Variants in SFPQ observed in about 807,000 individuals in gnomAD.
SFPQ encodes the protein splicing factor, proline- and glutamine-rich.
In SFPQ, 11 loss-of-function variants were observed where a neutral mutation model predicts 72.9. The observed-to-expected ratio is 0.15, with a 90% confidence interval of 0.09 to 0.25. The LOEUF is 0.25. Ranked by LOEUF, SFPQ falls within the 10% of genes least tolerant of loss-of-function variation. SFPQ has a pLI of 1.00. For synonymous variants in SFPQ, 506 were observed against 367.3 expected, an observed-to-expected ratio of 1.38 and a Z score of -4.32; for missense variants, 847 against 993.3, an observed-to-expected ratio of 0.85 and a Z score of 1.98.
At chr1:35,179,681 A>G (rs1639387835), downstream of SFPQ, 9 of 1,056,384 alleles carry the variant, frequency 8.5e-6, no homozygotes, top group Non-Finnish European at 9.2e-6. Context: ...GCAAAAGCCT[A>G]ATCATCTGAA....
intron 6 of SFPQ, 81 bp from the exon 7 acceptor site, chr1:35,188,171 C>T: frequency 1.9e-6 from 2 of 1,065,376 alleles, no homozygotes; most frequent in South Asian, 2.6e-5. Context: ...AGCAGTTGAC[C>T]TAAGAACTAG....
At position 35,187,083 on chromosome 1, in the gene SFPQ, C is replaced by G. The variant is rs1051176496; in HGVS notation, c.1904G>C (p.Gly635Ala). ...GSGGQKFPPL[G>A]GGGGIGYEAN... The stretch of plus-strand genomic sequence containing the variant: ...TTCATAACCTATGCCACCACCACCT[C>G]CTAGAGGTGGAAATTTCTGGCCTCC... The change falls in exon 9 of 10, where the codon GGA (glycine) becomes GCA (alanine). Residue 635 changes from glycine (G) to alanine (A), a missense_variant. This residue lies in a region of SFPQ where 154 missense variants were observed against 186.0 expected (regional missense o/e 0.83). Coordinates refer to ENST00000357214, the MANE Select transcript of SFPQ (RefSeq NM_005066.3). 1 of 1,613,908 alleles carries G rather than the reference C, an allele frequency of 6.2e-7. No individual in the cohort carries two copies. Among genetic ancestry groups the G allele is most frequent in the Admixed American group, 1.7e-5 (1 of 59,994 alleles).
At chr1:35,181,708 A>G, downstream of SFPQ, 3 of 1,061,096 alleles carry the variant, frequency 2.8e-6, no homozygotes, top group Non-Finnish European at 3.4e-6. Context: ...GTTTCTTTAA[A>G]TGAAAAAAAT....
In SFPQ at chr1:35,184,546, C is replaced by T; in HGVS notation, c.2034G>A (p.Gln678=). Residue 678 remains glutamine, a synonymous_variant, in exon 10 of 10, where the codon CAG becomes CAA. Coordinates refer to ENST00000357214, the MANE Select transcript of SFPQ (RefSeq NM_005066.3). The part of the protein sequence containing the change: ...GQGGAGPVGG[Q]GPRGMGPGTP... ...TTCCAGGCCCCATTCCTCTAGGACCCTGTCCACCCACAGGCCCCGCACCTC... is the reference window on the plus strand; with the variant it reads ...TTCCAGGCCCCATTCCTCTAGGACCTTGTCCACCCACAGGCCCCGCACCTC... The T allele has an allele frequency of 8.1e-6, 13 of 1,612,536 alleles. No homozygotes were observed. Among genetic ancestry groups the T allele is most frequent in the Non-Finnish European group, 1.1e-5 (13 of 1,179,378 alleles).
rs758982858 is a variant in SFPQ at position 35,192,829 on chromosome 1, G to A, written c.221C>T (p.Pro74Leu). 3.3e-6 allele frequency: 5 copies of A among 1,515,848 alleles called. No homozygotes were observed. The African/African-American group carries it at 4.3e-5, about 13-fold the overall frequency. 93.9% of individuals were successfully genotyped at this position (1,515,848 alleles called of 1,614,324 possible). ...CGGCTGCTGCGGCGGTGGCTGCTGC[G>A]GTGGTGGCTGTTGCTGCTGTTGGTG... is the stretch of plus-strand genomic sequence containing the variant. ...PPHQQQQQPP[P>L]QQPPPQQPPP... The change falls in exon 1 of 10, where the codon CCG becomes CTG. Residue 74 changes from proline (P) to leucine (L), a missense_variant. Pro to Leu is a moderately conservative substitution (Grantham distance 98). Around this residue, in one of 6 missense-constraint regions of SFPQ, gnomAD observed 498 missense variants for 405.1 expected, o/e 1.23. Transcript: ENST00000357214.
chr1:35,187,924 G>T lies in SFPQ; in HGVS notation c.1815+49C>A, dbSNP rs755004657. ...TTCCTGTAATTCCTTCTAGGTACCT[G>T]CAAGTTCTATAGACAACTCCAATTG... On this transcript the variant is annotated intron_variant, in intron 7 of 9. Transcript: ENST00000357214. 6 of 1,159,468 alleles carry T rather than the reference G, an allele frequency of 5.2e-6. No individual in the cohort carries two copies. The South Asian group carries it at 6.3e-5, about 12-fold the overall frequency. 71.8% of individuals were successfully genotyped at this position (1,159,468 alleles called of 1,614,324 possible).
chr1:35,191,057 G>A (rs1410009219), intron 2 of SFPQ, 62 bp from the exon 3 acceptor site: 4 of 1,397,840 alleles, frequency 2.9e-6, no homozygotes, highest in Non-Finnish European at 4.0e-6. Flanking sequence ...CTCTTAAATT[G>A]TCATAGGCCT....
chr1:35,180,528 T>C (rs772907368), downstream of SFPQ: 50 of 1,049,594 alleles, frequency 4.8e-5, no homozygotes, highest in Non-Finnish European at 5.4e-5. Flanking sequence ...TAGACACATT[T>C]AGACAAGTCC....
At chr1:35,182,495 G>A (rs1384534604), downstream of SFPQ, 2 of 985,224 alleles carry the variant, frequency 2.0e-6, no homozygotes, top group African/African-American at 1.7e-5. Flanking sequence ...ACCAGTATTT[G>A]GTGAGATGCT....
rs1268212014 is a variant in SFPQ at position 35,189,259 on chromosome 1, T to C, written c.1539A>G (p.Lys513=). The C allele has an allele frequency of 7.4e-6, 12 of 1,613,602 alleles. No individual in the cohort carries two copies. In the East Asian group the frequency reaches 2.5e-4, roughly 33 times the overall value. Residue 513 remains lysine, a synonymous_variant, in exon 5 of 10, where the codon AAA becomes AAG. Transcript: ENST00000357214. ...CACTTTCCAATTTGTCTTTTGCATC[T>C]TTCATGTTTTTTTCAACTTGTTCCC... ...QQREQVEKNM[K]DAKDKLESEM... is the part of the protein sequence containing the mutation.
downstream of SFPQ, chr1:35,182,258 A>C (rs1639499784): frequency 9.1e-6 from 9 of 985,362 alleles, no homozygotes; most frequent in South Asian, 4.2e-4. Flanking sequence ...CTACTATATA[A>C]TTCAACCAAA....
chr1:35,182,578 AG>A, downstream of SFPQ: 1 of 985,436 alleles, frequency 1.0e-6, no homozygotes, highest in Non-Finnish European at 1.2e-6. Context: ...TTCCAACAAT[AG>A]GTCTCCTTTT....
At chr1:35,190,475 C>G in intron 4 of SFPQ, 23 bp downstream of exon 4, 9 of 1,537,924 alleles carry the variant, frequency 5.9e-6, no homozygotes, top group Non-Finnish European at 8.0e-6. Flanking sequence ...TAAAAACTGC[C>G]AAAAAAGTTT....
chr1:35,184,259 AG>A lies in SFPQ; in HGVS notation c.*196del. 7.4e-7 allele frequency: 1 copy of A among 1,353,386 alleles called. No individual in the cohort carries two copies. The highest frequency in any genetic ancestry group is 2.0e-5 in the South Asian group (1 of 51,226). 83.8% of individuals were successfully genotyped at this position (1,353,386 alleles called of 1,614,324 possible). ...AAAAAGAAAAAATAAAGAAATAAAA[AG>A]GAAAAAAAAATTCTCCTGTTCCAAA... On this transcript the variant is annotated 3_prime_UTR_variant, in exon 10 of 10. Transcript: ENST00000357214.
At chr1:35,177,402 G>A (rs924171206) in intron 4 of SFPQ, 1 of 151,962 alleles carries the variant, frequency 6.6e-6, no homozygotes. Context: ...CTATCCACCT[G>A]TAACAAAAAA....
downstream of SFPQ, chr1:35,181,664 T>C (rs998426532): frequency 2.8e-6 from 3 of 1,060,556 alleles, no homozygotes; most frequent in African/African-American, 4.9e-5. Context: ...AACAAAATTA[T>C]GAGAAAGTGG....
At chr1:35,190,625 G>C in intron 3 of SFPQ, 32 bp from the exon 4 acceptor site, 3 of 1,608,310 alleles carry the variant, frequency 1.9e-6, no homozygotes, top group Non-Finnish European at 2.6e-6. Context: ...TCTTAGCTTT[G>C]TTCCAGTTTT....
At chr1:35,189,492 G>C (rs940776249) in intron 4 of SFPQ, 110 bp from the exon 5 acceptor site, 3 of 836,552 alleles carry the variant, frequency 3.6e-6, no homozygotes, top group East Asian at 2.7e-5. Flanking sequence ...GAGTACAAAA[G>C]GCAAAAATTT....
At chr1:35,181,887 T>C (rs1639484253), downstream of SFPQ, 3 of 985,246 alleles carry the variant, frequency 3.0e-6, no homozygotes, top group Non-Finnish European at 3.6e-6. Flanking sequence ...CCTGAGTACA[T>C]TGCTGTTTTA....
Sources: allele counts gnomAD v4.1 joint callset, GRCh38; gene constraint gnomAD v4.1.1; regional missense constraint gnomAD v4.1.1; transcripts MANE v1.5; gene names NCBI Gene and HGNC (gene_info 2026-07-23, HGNC 2026-07-21).